Variants in ARL8B observed in about 807,000 individuals in gnomAD.
ARL8B encodes ADP-ribosylation factor-like protein 8B.
ARL8B carries 9 observed loss-of-function variants against 30.6 expected under a neutral mutation model. That is an observed-to-expected ratio of 0.29 (90% CI 0.18 to 0.51). The LOEUF is 0.51. Ranked by LOEUF, ARL8B falls within the 20% of genes least tolerant of loss-of-function variation. ARL8B has a pLI of 0.97. For missense variants in ARL8B, 130 were observed against 227.2 expected, an observed-to-expected ratio of 0.57 and a Z score of 2.75; for synonymous variants, 74 against 76.0, an observed-to-expected ratio of 0.97 and a Z score of 0.14.
chr3:5,124,349 T>G (rs1443059492), intron 1 of ARL8B, among the ~76,000 whole-genome samples: 1 of 141,398 alleles, frequency 7.1e-6, no homozygotes, highest in Non-Finnish European at 1.5e-5. Context: ...CAAGCGAGCC[T>G]CCTGCCTCGG....
rs978108116 is a variant in ARL8B at position 5,172,235 on chromosome 3, T to G, written c.278+12T>G. On this transcript the variant is annotated intron_variant, in intron 3 of 6. Coordinates refer to ENST00000256496, the MANE Select transcript of ARL8B (RefSeq NM_018184.3). Reference sequence around the variant, plus strand: ...GTCAATGCTATTGTGTAAGTGGTTTTTTTTTGTTTGTTTGCTTTTAAATCA... The same window carrying G: ...GTCAATGCTATTGTGTAAGTGGTTTGTTTTTGTTTGTTTGCTTTTAAATCA... 8 of 1,602,914 alleles carry G rather than the reference T, an allele frequency of 5.0e-6. No homozygotes were observed. The highest frequency in any genetic ancestry group is 6.0e-6 in the Non-Finnish European group (7 of 1,175,432).
intron 6 of ARL8B, among the ~76,000 whole-genome samples, chr3:5,178,350 C>CTTTTTTTT (rs376669879): frequency 1.7e-5 from 2 of 115,294 alleles, no homozygotes; most frequent in Non-Finnish European, 1.8e-5. Context: ...GGGGTTATTC[C>CTTTTTTTT]TTTTTTTTTT....
At chr3:5,146,579 A>T (rs1007305291) in intron 1 of ARL8B, among the ~76,000 whole-genome samples, 2 of 152,258 alleles carry the variant, frequency 1.3e-5, no homozygotes, top group African/African-American at 4.8e-5. Flanking sequence ...CCTTTTTCTA[A>T]TCGACACATA....
At chr3:5,169,507 C>T (rs2106570095) in intron 1 of ARL8B, among the ~76,000 whole-genome samples, 1 of 151,716 alleles carries the variant, frequency 6.6e-6, no homozygotes, top group Non-Finnish European at 1.5e-5. Context: ...TGCCTTCCTG[C>T]CAGCAGTATA....
intron 1 of ARL8B, among the ~76,000 whole-genome samples, chr3:5,143,492 C>A (rs1453180487): frequency 6.6e-6 from 1 of 152,174 alleles, no homozygotes; most frequent in Admixed American, 6.5e-5. Context: ...ACCACCTGTG[C>A]CTGAGGTCCT....
chr3:5,153,858 C>G (rs891472418), intron 1 of ARL8B, among the ~76,000 whole-genome samples: 6 of 152,032 alleles, frequency 3.9e-5, no homozygotes, highest in African/African-American at 1.4e-4. Context: ...TTTCCTGCAT[C>G]TGAGAATGTC....
intron 1 of ARL8B, chr3:5,128,317 G>C (rs115705974): frequency 3.4e-6 from 1 of 292,638 alleles, no homozygotes; most frequent in Admixed American, 4.5e-5. Context: ...AACTTGACTG[G>C]AGAAGCTAGT....
intron 1 of ARL8B, among the ~76,000 whole-genome samples, chr3:5,134,783 A>G (rs1449985242): frequency 6.6e-6 from 1 of 152,202 alleles, no homozygotes; most frequent in Non-Finnish European, 1.5e-5. Context: ...CACAGATAGC[A>G]GTTCATTTTG....
intron 1 of ARL8B, among the ~76,000 whole-genome samples, chr3:5,126,554 AATTACT>A (rs2054231553): frequency 6.6e-6 from 1 of 152,176 alleles, no homozygotes; most frequent in African/African-American, 2.4e-5. Flanking sequence ...CATGAGACTG[AATTACT>A]ATTATATGTA....
chr3:5,152,927 G>A (rs560273576), intron 1 of ARL8B, among the ~76,000 whole-genome samples: 73 of 152,322 alleles, frequency 4.8e-4, no homozygotes, highest in Non-Finnish European at 9.4e-4. Flanking sequence ...TTTAAACATA[G>A]TATTTAGTTC....
chr3:5,176,612 G>A (rs2054732284), intron 6 of ARL8B, among the ~76,000 whole-genome samples: 1 of 152,218 alleles, frequency 6.6e-6, no homozygotes, highest in Non-Finnish European at 1.5e-5. Context: ...ATCCAGGGCA[G>A]TCTCAGCCTT....
chr3:5,135,010 G>T (rs1387479274), intron 1 of ARL8B, among the ~76,000 whole-genome samples: 1 of 152,094 alleles, frequency 6.6e-6, no homozygotes, highest in Non-Finnish European at 1.5e-5. Flanking sequence ...CACCACGCTT[G>T]GCTAATCTTT....
chr3:5,168,063 G>GT (rs1274256804), intron 1 of ARL8B, among the ~76,000 whole-genome samples: 5 of 151,950 alleles, frequency 3.3e-5, no homozygotes, highest in African/African-American at 9.7e-5. Flanking sequence ...CATGGCCTAT[G>GT]TTTTTTTTGA....
chr3:5,122,780 C>T (rs969025582), intron 1 of ARL8B, among the ~76,000 whole-genome samples, 192 bp downstream of exon 1: 1 of 152,252 alleles, frequency 6.6e-6, no homozygotes, highest in Non-Finnish European at 1.5e-5. Context: ...GGGAGTAGCA[C>T]TGAGATCGGC....
intron 1 of ARL8B, among the ~76,000 whole-genome samples, chr3:5,163,822 A>G (rs1200589205): frequency 6.6e-6 from 1 of 152,250 alleles, no homozygotes; most frequent in East Asian, 1.9e-4. Flanking sequence ...GTGAGCCGAG[A>G]TCGTGCCATT....
intron 1 of ARL8B, among the ~76,000 whole-genome samples, chr3:5,160,531 T>G (rs2054571775): frequency 6.6e-6 from 1 of 152,206 alleles, no homozygotes; most frequent in African/African-American, 2.4e-5. Context: ...TTTAATCCTC[T>G]AGGGTTGTCT....
rs1220463803 is a variant in ARL8B at position 5,170,611 on chromosome 3, T to G, written c.204+28T>G. The G allele has an allele frequency of 1.9e-6, 3 of 1,557,966 alleles. No homozygotes were observed. In the East Asian group the frequency reaches 6.8e-5, roughly 35 times the overall value. On this transcript the variant is annotated intron_variant, in intron 2 of 6. Coordinates refer to ENST00000256496, the MANE Select transcript of ARL8B (RefSeq NM_018184.3). ...AAGTTATTTCTTGCCGTACGCAATT[T>G]AAATTGTTAGCACAGACCCCTAGAA...
intron 1 of ARL8B, among the ~76,000 whole-genome samples, chr3:5,131,951 A>G (rs192834375): frequency 2.4e-4 from 36 of 152,312 alleles, no homozygotes; most frequent in African/African-American, 8.4e-4. Flanking sequence ...TGGCATAATC[A>G]TGGCTCACTG....
chr3:5,131,329 C>T (rs892902581), intron 1 of ARL8B, among the ~76,000 whole-genome samples: 2 of 151,980 alleles, frequency 1.3e-5, no homozygotes, highest in Non-Finnish European at 2.9e-5. Flanking sequence ...ACATTTCTCT[C>T]CTTCATAATT....
Sources: gnomAD v4.1 joint callset for allele counts (sites outside exome capture counted in the v4.1 genomes callset) on GRCh38, gnomAD v4.1.1 for gene constraint, MANE v1.5 for transcripts, NCBI Gene and HGNC (gene_info 2026-07-23, HGNC 2026-07-21) for gene names.